Variants in RARB observed in about 807,000 individuals in gnomAD.
RARB encodes the protein HBV-activated protein.
Under a neutral mutation model 51.9 loss-of-function variants are expected in RARB, and 17 were observed. The ratio of observed to expected loss-of-function variants is 0.33; its 90% confidence interval spans 0.22 to 0.49. The LOEUF (loss-of-function observed/expected upper bound fraction) is 0.49, where lower values mean the gene tolerates loss of function less well. Ranked by LOEUF, RARB falls within the 20% of genes least tolerant of loss-of-function variation. RARB has a pLI of 0.99. For synonymous variants in RARB, 215 were observed against 195.4 expected, an observed-to-expected ratio of 1.10 and a Z score of -0.84; for missense variants, 369 against 550.8, an observed-to-expected ratio of 0.67 and a Z score of 3.30.
intron 2 of RARB, among the ~76,000 whole-genome samples, chr3:24,901,140 TAAAA>T (rs1703597046): frequency 6.6e-6 from 1 of 152,268 alleles, no homozygotes; most frequent in Non-Finnish European, 1.5e-5. Flanking sequence ...CCAATGGCAT[TAAAA>T]AGAAAGAACA....
chr3:25,570,826 A>C (rs1303301748), intron 4 of RARB, among the ~76,000 whole-genome samples: 1 of 152,196 alleles, frequency 6.6e-6, no homozygotes, highest in Non-Finnish European at 1.5e-5. Flanking sequence ...TATGGTAAAC[A>C]TACTTTAAAA....
At chr3:24,986,647 TAAAC>T (rs1696799620) in intron 2 of RARB, among the ~76,000 whole-genome samples, 2 of 152,224 alleles carry the variant, frequency 1.3e-5, no homozygotes, top group African/African-American at 4.8e-5. Context: ...TAAAGATCAT[TAAAC>T]AAGAGAATAA....
intron 2 of RARB, among the ~76,000 whole-genome samples, chr3:24,867,718 G>A (rs2125346863): frequency 6.6e-6 from 1 of 151,340 alleles, no homozygotes; most frequent in African/African-American, 2.4e-5. Flanking sequence ...GGTCGTTTTT[G>A]TGTATACTTG....
intron 1 of RARB, among the ~76,000 whole-genome samples, chr3:24,849,514 T>C (rs1445485952): frequency 1.3e-5 from 2 of 152,248 alleles, no homozygotes; most frequent in South Asian, 4.1e-4. Context: ...AACATTTCCA[T>C]CAATTAAGTG....
intron 2 of RARB, among the ~76,000 whole-genome samples, chr3:25,476,141 T>C (rs1695932188): frequency 1.3e-5 from 2 of 152,200 alleles, no homozygotes; most frequent in African/African-American, 4.8e-5. Flanking sequence ...TCACAACTCA[T>C]TGACTAAAGC....
intron 2 of RARB, among the ~76,000 whole-genome samples, chr3:25,050,790 T>G (rs1698317535): frequency 6.6e-6 from 1 of 152,254 alleles, no homozygotes. Context: ...TTAATCAATA[T>G]TCAACACTTA....
At chr3:25,271,118 C>G (rs1158024630) in intron 5 of RARB, among the ~76,000 whole-genome samples, 1 of 152,166 alleles carries the variant, frequency 6.6e-6, no homozygotes, top group East Asian at 1.9e-4. Flanking sequence ...ATTTTAGCAT[C>G]AAAATGAGGT....
At chr3:25,109,435 A>C (rs1559469763) in intron 3 of RARB, among the ~76,000 whole-genome samples, 2 of 152,194 alleles carry the variant, frequency 1.3e-5, no homozygotes, top group Non-Finnish European at 2.9e-5. Context: ...TATGATAATA[A>C]GTAGTAGGAA....
chr3:25,343,022 CTTTGTGTGTGTGTGTGTG>C (rs1326494019), intron 5 of RARB, among the ~76,000 whole-genome samples: 27 of 89,390 alleles, frequency 3.0e-4, no homozygotes, highest in African/African-American at 1.3e-3. Context: ...TTTGCAAGTA[CTTTGTGTGTGTGTGTGTG>C]TGTGTGTGTG....
At chr3:25,039,184 C>T (rs1335234872) in intron 2 of RARB, among the ~76,000 whole-genome samples, 1 of 152,138 alleles carries the variant, frequency 6.6e-6, no homozygotes, top group African/African-American at 2.4e-5. Flanking sequence ...ATACACTCTG[C>T]ATTTGATTAG....
At chr3:25,441,673 T>C (rs1284744288) in intron 1 of RARB, among the ~76,000 whole-genome samples, 1 of 152,164 alleles carries the variant, frequency 6.6e-6, no homozygotes, top group African/African-American at 2.4e-5. Flanking sequence ...TGCAGAAAAG[T>C]TACAACAGCT....
At chr3:25,317,975 G>A (rs1019960607) in intron 5 of RARB, among the ~76,000 whole-genome samples, 2 of 152,100 alleles carry the variant, frequency 1.3e-5, no homozygotes, top group Non-Finnish European at 2.9e-5. Flanking sequence ...CACTGCTGTT[G>A]TTGGAAACAA....
At chr3:25,158,199 T>C (rs1395462494) in intron 4 of RARB, among the ~76,000 whole-genome samples, 9 of 152,218 alleles carry the variant, frequency 5.9e-5, no homozygotes, top group South Asian at 2.1e-4. Context: ...CCCATATCTT[T>C]ATCCTGGGGA....
intron 3 of RARB, among the ~76,000 whole-genome samples, chr3:25,553,582 T>G (rs915059990): frequency 6.6e-6 from 1 of 152,216 alleles, no homozygotes. Flanking sequence ...TTCCTAAGAA[T>G]GTGGAGCAAT....
At chr3:25,433,183 T>G (rs1410838017) in intron 1 of RARB, among the ~76,000 whole-genome samples, 1 of 152,244 alleles carries the variant, frequency 6.6e-6, no homozygotes, top group African/African-American at 2.4e-5. Context: ...AGGGTAGTTA[T>G]GACAATCATG....
At chr3:25,261,173 A>T (rs1212261746) in intron 5 of RARB, among the ~76,000 whole-genome samples, 1 of 152,140 alleles carries the variant, frequency 6.6e-6, no homozygotes, top group East Asian at 1.9e-4. Flanking sequence ...AATACTCAAG[A>T]AGTGCTAGTT....
At chr3:25,568,355 A>G (rs1309424027) in intron 3 of RARB, among the ~76,000 whole-genome samples, 1 of 152,124 alleles carries the variant, frequency 6.6e-6, no homozygotes, top group East Asian at 1.9e-4. Flanking sequence ...AAACTTGCCT[A>G]CCTGATAAAA....
intron 5 of RARB, among the ~76,000 whole-genome samples, chr3:25,317,849 T>C (rs930664752): frequency 2.0e-4 from 31 of 152,226 alleles, no homozygotes; most frequent in African/African-American, 7.5e-4. Flanking sequence ...TTGGGGTACC[T>C]CTTTTACACT....
chr3:25,176,578 T>C (rs1175713823), intron 5 of RARB, among the ~76,000 whole-genome samples: 1 of 151,512 alleles, frequency 6.6e-6, no homozygotes, highest in Non-Finnish European at 1.5e-5. Context: ...GTATTTTTAG[T>C]AGAGACGTGG....
Sources: gnomAD v4.1 joint callset for allele counts (sites outside exome capture counted in the v4.1 genomes callset) on GRCh38, gnomAD v4.1.1 for gene constraint, MANE v1.5 for transcripts, NCBI Gene and HGNC (gene_info 2026-07-23, HGNC 2026-07-21) for gene names.